Variants in ANKS1A observed in about 807,000 individuals in gnomAD.
The protein encoded by ANKS1A is ankyrin repeat and SAM domain-containing protein 1A.
In ANKS1A, 55 loss-of-function variants were observed where a neutral mutation model predicts 120.3. The ratio of observed to expected loss-of-function variants is 0.46; its 90% CI spans 0.37 to 0.57. The LOEUF (loss-of-function observed/expected upper bound fraction) is 0.57. Ranked by LOEUF, ANKS1A falls within the 20% of genes least tolerant of loss-of-function variation. ANKS1A has a pLI of 0.00. For missense variants in ANKS1A, 1,123 were observed against 1,480.3 expected, an observed-to-expected ratio of 0.76 and a Z score of 3.96; for synonymous variants, 590 against 604.7, an observed-to-expected ratio of 0.98 and a Z score of 0.36.
At chr6:34,944,854 C>T (rs1296015640) in intron 1 of ANKS1A, among the ~76,000 whole-genome samples, 1 of 152,138 alleles carries the variant, frequency 6.6e-6, no homozygotes, top group Non-Finnish European at 1.5e-5. Flanking sequence ...CAAAGATTTT[C>T]TCCCAGTCTG....
chr6:35,060,356 C>T lies in ANKS1A; in HGVS notation c.2184+103C>T. 4.0e-6 allele frequency: 4 copies of T among 992,776 alleles called. No individual in the cohort carries two copies. Among genetic ancestry groups the T allele is most frequent in the Non-Finnish European group, 6.0e-6 (4 of 663,196 alleles). The allele number at this position is 992,776 out of a possible 1,614,324, so 61.5% of individuals were successfully genotyped here. A position where few individuals can be genotyped will look rare whatever the true frequency, so the allele number is the denominator to read the frequency against. On this transcript the variant is annotated intron_variant, in intron 13 of 23. Coordinates refer to ENST00000360359, the MANE Select transcript of ANKS1A (RefSeq NM_015245.3). This position sits in a 1 kb window ranked among gnomAD's most constrained non-coding sequence, Gnocchi z 4.5. ...ACAGGAGTCTGCAACAGTACGTAGACCCAAATCCCAGGGAAAGCTCACTGA... is the reference window on the plus strand; with the variant it reads ...ACAGGAGTCTGCAACAGTACGTAGATCCAAATCCCAGGGAAAGCTCACTGA...
intron 1 of ANKS1A, among the ~76,000 whole-genome samples, chr6:34,914,836 C>CT (rs1768080688): frequency 6.6e-6 from 1 of 152,126 alleles, no homozygotes; most frequent in Non-Finnish European, 1.5e-5. Flanking sequence ...TTCAAAGGCT[C>CT]TGAGTGTGGG....
intron 11 of ANKS1A, among the ~76,000 whole-genome samples, chr6:35,048,615 C>T (rs1775828779): frequency 6.6e-6 from 1 of 152,178 alleles, no homozygotes; most frequent in African/African-American, 2.4e-5. Flanking sequence ...ATCACCCAGA[C>T]CCTGGCCAGT....
chr6:35,022,545 G>A (rs1386009959), intron 11 of ANKS1A, among the ~76,000 whole-genome samples: 1 of 152,194 alleles, frequency 6.6e-6, no homozygotes, highest in Non-Finnish European at 1.5e-5. Context: ...AAGTCATAGA[G>A]TTTGCCTTTA....
intron 3 of ANKS1A, among the ~76,000 whole-genome samples, chr6:34,972,038 C>T (rs1771210400): frequency 6.6e-6 from 1 of 152,220 alleles, no homozygotes; most frequent in African/African-American, 2.4e-5. Context: ...ATGAAGTTTG[C>T]TTGTAACTAA....
intron 8 of ANKS1A, among the ~76,000 whole-genome samples, chr6:34,988,263 C>A (rs1401296397): frequency 6.6e-6 from 1 of 152,184 alleles, no homozygotes; most frequent in East Asian, 1.9e-4. Flanking sequence ...CTAAAATATT[C>A]ACTATATGGC....
At chr6:34,984,871 T>G (rs1772100335) in intron 7 of ANKS1A, among the ~76,000 whole-genome samples, 1 of 152,204 alleles carries the variant, frequency 6.6e-6, no homozygotes, top group Admixed American at 6.5e-5. Context: ...TTTTTCATAT[T>G]GAATTAAAGA....
chr6:34,929,017 A>T (rs1325547165), intron 1 of ANKS1A, among the ~76,000 whole-genome samples: 1 of 152,168 alleles, frequency 6.6e-6, no homozygotes, highest in Non-Finnish European at 1.5e-5. Context: ...AAATCTCAGA[A>T]ATCTGTTTAC....
In ANKS1A at chr6:35,017,964, GCTA is replaced by G; in HGVS notation, c.1917_1919del (p.Thr640del). 6.2e-7 allele frequency: 1 copy of G among 1,614,206 alleles called. No homozygotes were observed. Among genetic ancestry groups the G allele is most frequent in the Non-Finnish European group, 8.5e-7 (1 of 1,180,042 alleles). On this transcript the variant is annotated inframe_deletion, in exon 11 of 24. Transcript: ENST00000360359. ...CCTGACCTGCTCACCCACAGAGGACGCTACCATGGGGAGTCGGAGTGAGTCCTT... is the reference window on the plus strand; with the variant it reads ...CCTGACCTGCTCACCCACAGAGGACGCCATGGGGAGTCGGAGTGAGTCCTT...
rs1417618579 is a variant in ANKS1A, at chr6:35,060,799, C to T, written c.2184+546C>T. On this transcript the variant is annotated intron_variant, in intron 13 of 23. Transcript: ENST00000360359. This position sits in a 1 kb window ranked among gnomAD's most constrained non-coding sequence, Gnocchi z 4.5. Reference sequence around the variant, plus strand: ...CTTTGAGAAGCTCTCTCACAAAACACAAAGGGCCAAAAATAAAAAGAGAAA... The same window carrying T: ...CTTTGAGAAGCTCTCTCACAAAACATAAAGGGCCAAAAATAAAAAGAGAAA... Among the ~76,000 whole-genome samples the T allele has an allele frequency of 6.6e-6, 1 of 152,174 alleles. No homozygotes were observed.
chr6:34,959,142 CCT>C (rs1770512689), intron 1 of ANKS1A, among the ~76,000 whole-genome samples: 1 of 152,216 alleles, frequency 6.6e-6, no homozygotes, highest in Non-Finnish European at 1.5e-5. Context: ...AGAAATCTGA[CCT>C]CACGCACATG....
At chr6:34,955,055 C>A (rs758742139) in intron 1 of ANKS1A, among the ~76,000 whole-genome samples, 7 of 152,078 alleles carry the variant, frequency 4.6e-5, no homozygotes, top group Non-Finnish European at 1.0e-4. Context: ...CCTGCTGAAC[C>A]ACTTACACTA....
In ANKS1A at chr6:35,044,459, G is replaced by A. The variant is rs2127579701; in HGVS notation, c.2011-9640G>A. ...CCTGTGGGAGCCAGCTCTGTCTGAG[G>A]TGAGGGAGTAGAGGCAGGCCCACAG... On this transcript the variant is annotated intron_variant, in intron 11 of 23. Transcript: ENST00000360359. This position sits in a 1 kb window ranked among gnomAD's most constrained non-coding sequence, Gnocchi z 4.4. Among the ~76,000 whole-genome samples the A allele has an allele frequency of 6.6e-6, 1 of 152,338 alleles. No homozygotes were observed. Among genetic ancestry groups the A allele is most frequent in the East Asian group, 1.9e-4 (1 of 5,182 alleles).
At chr6:34,924,573 CA>C (rs1768611271) in intron 1 of ANKS1A, among the ~76,000 whole-genome samples, 1 of 152,012 alleles carries the variant, frequency 6.6e-6, no homozygotes, top group Non-Finnish European at 1.5e-5. Context: ...TTTGAATTTC[CA>C]AATCGGTGAC....
chr6:34,991,698 A>G (rs1772555098), intron 9 of ANKS1A, among the ~76,000 whole-genome samples: 1 of 116,276 alleles, frequency 8.6e-6, no homozygotes, highest in Non-Finnish European at 1.7e-5. Context: ...ATACACATAT[A>G]TATACATATA....
chr6:34,920,336 C>T (rs1265125276), intron 1 of ANKS1A, among the ~76,000 whole-genome samples: 1 of 152,084 alleles, frequency 6.6e-6, no homozygotes, highest in Non-Finnish European at 1.5e-5. Context: ...CTGCCCCAGC[C>T]TCTTGAGTGG....
Position 34,982,723 on chromosome 6 carries a change from C to A in ANKS1A, c.733-29C>A, listed in dbSNP as rs779629648. 1.9e-6 allele frequency: 3 copies of A among 1,613,636 alleles called. No individual in the cohort carries two copies. Among genetic ancestry groups the A allele is most frequent in the Admixed American group, 3.3e-5 (2 of 60,034 alleles). Reference sequence around the variant, plus strand: ...CCGCACCAAACTGTTCTGATGACATCCCGCTCTGCGCTCTCGTTTGCTTTC... The same window carrying A: ...CCGCACCAAACTGTTCTGATGACATACCGCTCTGCGCTCTCGTTTGCTTTC... On this transcript the variant is annotated intron_variant, in intron 4 of 23. Coordinates refer to ENST00000360359, the MANE Select transcript of ANKS1A (RefSeq NM_015245.3). This position sits in a 1 kb window ranked among gnomAD's most constrained non-coding sequence, Gnocchi z 4.9.
At position 34,979,408 on chromosome 6, in the gene ANKS1A, A is replaced by G. The variant is rs1188839095; in HGVS notation, c.436-2282A>G. Reference sequence around the variant, plus strand: ...ACCATGTCTGGCATGACTGAAACCTAAGTAAGATGCTCCCTATACTGTGTC... The same window carrying G: ...ACCATGTCTGGCATGACTGAAACCTGAGTAAGATGCTCCCTATACTGTGTC... On this transcript the variant is annotated intron_variant, in intron 3 of 23. Coordinates refer to ENST00000360359, the MANE Select transcript of ANKS1A (RefSeq NM_015245.3). Among the ~76,000 whole-genome samples, 6 of 152,304 alleles carry G rather than the reference A, an allele frequency of 3.9e-5. No homozygotes were observed. In the East Asian group the frequency reaches 1.2e-3, roughly 29 times the overall value.
chr6:35,032,532 G>A lies in ANKS1A; in HGVS notation c.2010+14473G>A, dbSNP rs148080410. 5.3e-5 allele frequency among the ~76,000 whole-genome samples: 8 copies of A among 152,280 alleles called. No homozygotes were observed. The East Asian group carries it at 1.5e-3, about 29-fold the overall frequency. On this transcript the variant is annotated intron_variant, in intron 11 of 23. Coordinates refer to ENST00000360359, the MANE Select transcript of ANKS1A (RefSeq NM_015245.3). Reference sequence around the variant, plus strand: ...CCCCAAACGGGTGCATAGAAAAAATGCAAGTCCTTGATTAAGGGCCTCAGA... The same window carrying A: ...CCCCAAACGGGTGCATAGAAAAAATACAAGTCCTTGATTAAGGGCCTCAGA...
Sources: allele counts gnomAD v4.1 joint callset (sites outside exome capture counted in the v4.1 genomes callset), GRCh38; gene constraint gnomAD v4.1.1; non-coding constraint Gnocchi (gnomAD v3.1); transcripts MANE v1.5; gene names NCBI Gene and HGNC (gene_info 2026-07-23, HGNC 2026-07-21).